Variants in LINC00632 observed in about 807,000 individuals in gnomAD.
The protein encoded by LINC00632 is long independently transcribed non-coding RNA 632.
chrX:140,750,358 G>T (rs1288766120), intron 3 of LINC00632, among the ~76,000 whole-genome samples: 1 of 110,308 alleles, frequency 9.1e-6, no homozygotes. Flanking sequence ...TGAATGTGGT[G>T]AATAACAATA....
At chrX:140,773,397 G>A (rs1931834189) in exon 4 of LINC00632, among the ~76,000 whole-genome samples, 1 of 112,364 alleles carries the variant, frequency 8.9e-6, no homozygotes, top group Non-Finnish European at 1.9e-5. Flanking sequence ...ATGCCTACTT[G>A]CACATCTATT....
chrX:140,746,911 A>T (rs1931334336), intron 3 of LINC00632, among the ~76,000 whole-genome samples: 1 of 111,746 alleles, frequency 8.9e-6, no homozygotes, highest in Admixed American at 9.6e-5. Flanking sequence ...TACAAACTGC[A>T]TTTCGTCACA....
exon 5 of LINC00632, among the ~76,000 whole-genome samples, chrX:140,775,669 C>T (rs1213423877): frequency 1.8e-5 from 2 of 111,313 alleles, no homozygotes; most frequent in African/African-American, 3.3e-5. Flanking sequence ...AATTCATTGG[C>T]ATGTGCTTGC....
At chrX:140,724,751 A>G (rs770658104) in intron 2 of LINC00632, among the ~76,000 whole-genome samples, 1 of 82,477 alleles carries the variant, frequency 1.2e-5, no homozygotes, top group Non-Finnish European at 2.4e-5. Flanking sequence ...TTCCCTACAT[A>G]CACACACAGA....
chrX:140,775,063 A>T (rs1931854758), exon 5 of LINC00632, among the ~76,000 whole-genome samples: 1 of 111,968 alleles, frequency 8.9e-6, no homozygotes, highest in African/African-American at 3.2e-5. Flanking sequence ...CAGTATATTT[A>T]TGTTAAATTT....
intron 2 of LINC00632, among the ~76,000 whole-genome samples, chrX:140,725,903 T>C (rs1930952486): frequency 9.0e-6 from 1 of 111,450 alleles, no homozygotes; most frequent in Non-Finnish European, 1.9e-5. Flanking sequence ...ACACATCCCA[T>C]GACACCCAGA....
chrX:140,748,185 A>C (rs1016751589), intron 3 of LINC00632, among the ~76,000 whole-genome samples: 3 of 111,933 alleles, frequency 2.7e-5, no homozygotes, highest in African/African-American at 9.7e-5. Flanking sequence ...TTATGCAGTT[A>C]AAGGGGCATT....
At chrX:140,710,368 AAAGTGT>A (rs916668638) in intron 1 of LINC00632, among the ~76,000 whole-genome samples, 2 of 112,197 alleles carry the variant, frequency 1.8e-5, no homozygotes, top group African/African-American at 6.5e-5. Flanking sequence ...GTGAGATATG[AAAGTGT>A]ATTCAATGAG....
At chrX:140,730,694 C>G (rs1602739077) in intron 2 of LINC00632, among the ~76,000 whole-genome samples, 1 of 111,639 alleles carries the variant, frequency 9.0e-6, no homozygotes, top group Admixed American at 9.6e-5. Flanking sequence ...AATTCCCAGA[C>G]TTGTTACACA....
intron 3 of LINC00632, among the ~76,000 whole-genome samples, chrX:140,748,646 G>A (rs1448698711): frequency 1.8e-5 from 2 of 110,318 alleles, no homozygotes; most frequent in Non-Finnish European, 3.8e-5. Flanking sequence ...TTAACTAGTT[G>A]GGTGATCTTT....
chrX:140,723,013 C>T (rs2045412384), intron 2 of LINC00632, among the ~76,000 whole-genome samples: 1 of 101,537 alleles, frequency 9.8e-6, no homozygotes, highest in Non-Finnish European at 2.0e-5. Flanking sequence ...TACACTCCAG[C>T]CTGGGCAACA....
intron 3 of LINC00632, among the ~76,000 whole-genome samples, chrX:140,746,973 C>T (rs1026304737): frequency 1.8e-5 from 2 of 111,824 alleles, no homozygotes; most frequent in African/African-American, 6.5e-5. Context: ...TCTTTTGGCC[C>T]TAAGATTTGA....
At chrX:140,711,494 T>A (rs1031498875) in intron 1 of LINC00632, 4 of 183,806 alleles carry the variant, frequency 2.2e-5, no homozygotes, top group Non-Finnish European at 4.4e-5. Flanking sequence ...TTTTCTATCA[T>A]ATAGATGTCC....
At chrX:140,742,876 AG>A (rs200202705) in intron 3 of LINC00632, among the ~76,000 whole-genome samples, 9 of 86,025 alleles carry the variant, frequency 1.0e-4, no homozygotes, top group African/African-American at 4.6e-4. Flanking sequence ...AGAGAGAGAG[AG>A]AGGAAGGAAG....
chrX:140,778,621 A>C, exon 5 of LINC00632, among the ~76,000 whole-genome samples: 1 of 103,678 alleles, frequency 9.6e-6, no homozygotes, highest in Non-Finnish European at 1.9e-5. Flanking sequence ...AAACAAAGAA[A>C]AAAAAAAAAA....
chrX:140,781,644 G>C (rs1931935673), exon 5 of LINC00632, among the ~76,000 whole-genome samples: 1 of 111,187 alleles, frequency 9.0e-6, no homozygotes, highest in Admixed American at 9.6e-5. Flanking sequence ...AAGTTCTCTT[G>C]TTCTCTGCTT....
chrX:140,789,971 CTTGTTT>C (rs2148408169), exon 5 of LINC00632, among the ~76,000 whole-genome samples: 1 of 111,085 alleles, frequency 9.0e-6, no homozygotes, highest in Non-Finnish European at 1.9e-5. Context: ...TTTATAGTTT[CTTGTTT>C]TTGTTTCATA....
exon 5 of LINC00632, chrX:140,782,307 CAA>C (rs1342265606): frequency 2.7e-5 from 3 of 112,019 alleles, no homozygotes; most frequent in Middle Eastern, 4.6e-3. Context: ...TTCTCTAACT[CAA>C]GTCTTCTAAG....
At chrX:140,771,612 TACACACACACACACACACAC>T (rs77229499) in intron 3 of LINC00632, among the ~76,000 whole-genome samples, 2 of 79,731 alleles carry the variant, frequency 2.5e-5, no homozygotes, top group Admixed American at 3.1e-4. Flanking sequence ...TTGGCATATA[TACACACACACACACACACAC>T]ACACACACAC....
Sources: allele counts gnomAD v4.1 joint callset (sites outside exome capture counted in the v4.1 genomes callset), GRCh38; gene constraint gnomAD v4.1.1; transcripts MANE v1.5; gene names NCBI Gene and HGNC (gene_info 2026-07-23, HGNC 2026-07-21).